Variants in SLC14A2 observed in about 807,000 individuals in gnomAD.
SLC14A2 encodes the protein urea transporter 2.
Under a neutral mutation model 104.6 loss-of-function variants are expected in SLC14A2, and 91 were observed. The ratio of observed to expected loss-of-function variants is 0.87; its 90% confidence interval spans 0.73 to 1.04. The LOEUF is 1.04. SLC14A2 is among the 50% of genes least tolerant of loss of function. SLC14A2 has a pLI of 0.00. For missense variants in SLC14A2, 1,189 were observed against 1,156.0 expected (o/e 1.03, Z -0.41); for synonymous variants, 476 against 466.4 (o/e 1.02, Z -0.27).
intron 1 of SLC14A2, among the ~76,000 whole-genome samples, chr18:45,245,382 C>T (rs1056872900): frequency 9.2e-5 from 14 of 152,228 alleles, no homozygotes; most frequent in Non-Finnish European, 1.9e-4. Flanking sequence ...AGCATCTGCT[C>T]ATTCTTGTCT....
chr18:45,459,205 T>A (rs919907144), intron 1 of SLC14A2, among the ~76,000 whole-genome samples: 2 of 152,178 alleles, frequency 1.3e-5, no homozygotes, highest in African/African-American at 4.8e-5. Flanking sequence ...AGGGATCCCC[T>A]TTCCAAGCGC....
chr18:45,383,667 T>C (rs2085862873), intron 1 of SLC14A2, among the ~76,000 whole-genome samples: 1 of 152,166 alleles, frequency 6.6e-6, no homozygotes, highest in Admixed American at 6.5e-5. Context: ...GGTGTTCATA[T>C]CCTCATGATG....
intron 10 of SLC14A2, among the ~76,000 whole-genome samples, chr18:45,648,195 CTTTTTTTTTTTTTT>C (rs59843067): frequency 0.57 from 59,492 of 103,536 alleles, 13,891 homozygotes; most frequent in African/African-American, 0.63. Flanking sequence ...CTAGTTAATG[CTTTTTTTTTTTTTT>C]TTTTTTTTTT....
intron 1 of SLC14A2, among the ~76,000 whole-genome samples, chr18:45,243,458 G>T (rs915008570): frequency 6.6e-6 from 1 of 152,192 alleles, no homozygotes; most frequent in Non-Finnish European, 1.5e-5. Flanking sequence ...AGCAGTCACA[G>T]CTCCCACCCC....
chr18:45,478,502 G>A (rs59057878), intron 1 of SLC14A2, among the ~76,000 whole-genome samples: 1,701 of 152,242 alleles, frequency 0.011, 25 homozygotes, highest in African/African-American at 0.039. Flanking sequence ...AACACAATTT[G>A]GTACTTGTTC....
chr18:45,399,167 A>G (rs1403978224), intron 1 of SLC14A2, among the ~76,000 whole-genome samples: 1 of 152,218 alleles, frequency 6.6e-6, no homozygotes, highest in Non-Finnish European at 1.5e-5. Flanking sequence ...GCATGTTCAC[A>G]CAGATGATGA....
At chr18:45,657,467 A>G (rs1429825960) in intron 10 of SLC14A2, among the ~76,000 whole-genome samples, 3 of 145,340 alleles carry the variant, frequency 2.1e-5, no homozygotes, top group Admixed American at 7.0e-5. Context: ...AGTCTGGGTG[A>G]CAGAGCGAGA....
chr18:45,281,635 G>C (rs555302597), intron 1 of SLC14A2, among the ~76,000 whole-genome samples: 7 of 152,200 alleles, frequency 4.6e-5, no homozygotes, highest in African/African-American at 1.7e-4. Context: ...AGGGCTGGGG[G>C]GTGCAATTTA....
chr18:45,345,298 T>A (rs1209570994), intron 1 of SLC14A2, among the ~76,000 whole-genome samples: 1 of 152,240 alleles, frequency 6.6e-6, no homozygotes, highest in Non-Finnish European at 1.5e-5. Context: ...TCATGCATTT[T>A]AAAATACATT....
In SLC14A2 at chr18:45,637,118, C is replaced by A; in HGVS notation, c.779C>A (p.Thr260Lys). Reference protein sequence around the residue: ...ATGHYNLFFPTTLVEPVSSVP... With the variant: ...ATGHYNLFFPKTLVEPVSSVP... ...GGCCACTACAACCTCTTCTTCCCCACAACACTGGTAGAGCCTGTGTCTTCA... is the reference window on the plus strand; with the variant it reads ...GGCCACTACAACCTCTTCTTCCCCAAAACACTGGTAGAGCCTGTGTCTTCA... Residue 260 changes from threonine to lysine, a missense_variant, in exon 6 of 20, where the codon ACA (threonine) becomes AAA (lysine). Transcript: ENST00000255226. 6.2e-7 allele frequency: 1 copy of A among 1,614,212 alleles called. No homozygotes were observed.
intron 2 of SLC14A2, among the ~76,000 whole-genome samples, chr18:45,523,493 CTT>C (rs571753663): frequency 1.8e-3 from 216 of 119,022 alleles, no homozygotes; most frequent in African/African-American, 6.1e-3. Context: ...CCACACCCAG[CTT>C]TTTTTTTTTT....
chr18:45,624,731 G>C lies in SLC14A2; in HGVS notation c.67G>C (p.Ala23Pro). Residue 23 changes from alanine to proline, a missense_variant, in exon 2 of 20, where the codon GCA becomes CCA. Transcript: ENST00000255226. ...TTCCAGCAGATACAAACTCTACGAGGCAGAGTTTACCAGCCCGAGCTGGCC... is the reference window on the plus strand; with the variant it reads ...TTCCAGCAGATACAAACTCTACGAGCCAGAGTTTACCAGCCCGAGCTGGCC... ...PLSSRYKLYE[A>P]EFTSPSWPST... The C allele has an allele frequency of 6.2e-7, 1 of 1,613,566 alleles. No homozygotes were observed. Among genetic ancestry groups the C allele is most frequent in the Non-Finnish European group, 8.5e-7 (1 of 1,179,820 alleles).
chr18:45,490,228 G>GA (rs1286518610), intron 2 of SLC14A2, among the ~76,000 whole-genome samples: 3 of 152,112 alleles, frequency 2.0e-5, no homozygotes, highest in South Asian at 2.1e-4. Flanking sequence ...CAAAGCACAG[G>GA]AAAAAAATTG....
At chr18:45,485,983 C>A (rs535717059) in intron 2 of SLC14A2, among the ~76,000 whole-genome samples, 1 of 151,858 alleles carries the variant, frequency 6.6e-6, no homozygotes, top group South Asian at 2.1e-4. Flanking sequence ...TCTGTCAAAT[C>A]AAGTGGATGA....
chr18:45,494,853 G>A (rs181522469), intron 2 of SLC14A2, among the ~76,000 whole-genome samples: 46 of 151,440 alleles, frequency 3.0e-4, no homozygotes, highest in African/African-American at 1.1e-3. Context: ...CTTCCAGCCC[G>A]TTCTTGGTCT....
At chr18:45,644,670 C>A (rs2045588849) in intron 10 of SLC14A2, among the ~76,000 whole-genome samples, 1 of 151,908 alleles carries the variant, frequency 6.6e-6, no homozygotes, top group Non-Finnish European at 1.5e-5. Flanking sequence ...ATTTTAAAGT[C>A]AAAACAGGGA....
intron 1 of SLC14A2, among the ~76,000 whole-genome samples, chr18:45,463,460 T>C (rs2087082108): frequency 6.6e-6 from 1 of 152,234 alleles, no homozygotes; most frequent in African/African-American, 2.4e-5. Context: ...TCTCATGCAC[T>C]GTAGATGCTC....
At chr18:45,453,164 A>G (rs1018000066) in intron 1 of SLC14A2, among the ~76,000 whole-genome samples, 1 of 152,098 alleles carries the variant, frequency 6.6e-6, no homozygotes, top group Non-Finnish European at 1.5e-5. Context: ...ACTCAGCTTC[A>G]TTCTGCCTGG....
intron 1 of SLC14A2, among the ~76,000 whole-genome samples, chr18:45,227,900 A>G (rs1336515814): frequency 2.8e-5 from 4 of 144,660 alleles, no homozygotes; most frequent in Non-Finnish European, 4.6e-5. Context: ...TTGCTAAAGT[A>G]TTTATCCCAG....
Sources: allele counts gnomAD v4.1 joint callset (sites outside exome capture counted in the v4.1 genomes callset), GRCh38; gene constraint gnomAD v4.1.1; transcripts MANE v1.5; gene names NCBI Gene and HGNC (gene_info 2026-07-23, HGNC 2026-07-21).